SYNE1: variants seen among roughly 807,000 people sequenced by gnomAD.
The protein encoded by SYNE1 is spectrin repeat containing nuclear envelope protein 1, also known as nesprin-1.
SYNE1 carries 616 observed loss-of-function variants against 1,111.0 expected under a neutral mutation model. The observed-to-expected ratio is 0.55, with a 90% CI of 0.52 to 0.59. The LOEUF (loss-of-function observed/expected upper bound fraction) is 0.59, where lower values mean the gene tolerates loss of function less well. SYNE1 is among the 20% of genes least tolerant of loss of function. The pLI, the probability that SYNE1 is intolerant of heterozygous loss-of-function variation, is 0.00. For synonymous variants in SYNE1, 3,855 were observed against 3,825.8 expected, an observed-to-expected ratio of 1.01 and a Z score of -0.28; for missense variants, 10,006 against 10,417.0, an observed-to-expected ratio of 0.96 and a Z score of 1.72.
At chr6:152,376,660 A>C in intron 57 of SYNE1, 102 bp from the exon 58 acceptor site, 1 of 1,554,882 alleles carries the variant, frequency 6.4e-7, no homozygotes, top group Non-Finnish European at 8.8e-7. Context: ...CACTTACCTC[A>C]CTTAGTAATA....
Position 152,152,060 on chromosome 6 carries a change from G to C in SYNE1, c.24211C>G (p.Arg8071Gly). The change falls in exon 134 of 146, where the codon CGC (arginine) becomes GGC (glycine). Residue 8071 changes from arginine (R) to glycine (G), a missense_variant. Transcript: ENST00000367255. ...KQYRRLAREN[R>G]TDSACSLKQM... is the part of the protein sequence containing the mutation. ...TTGAGGCTACATGCTGAATCAGTGC[G>C]GTTCTCCCTGGCCAGGCGGCGGTAC... The C allele has an allele frequency of 6.2e-7, 1 of 1,614,168 alleles. No individual in the cohort carries two copies. The highest frequency in any genetic ancestry group is 8.5e-7 in the Non-Finnish European group (1 of 1,180,032).
At chr6:152,210,066 A>G (rs1168426051) in intron 124 of SYNE1, among the ~76,000 whole-genome samples, 1 of 152,204 alleles carries the variant, frequency 6.6e-6, no homozygotes, top group African/African-American at 2.4e-5. Context: ...TTAAAACATG[A>G]CACTGTTCCC....
rs17082236 is a variant in SYNE1, at chr6:152,149,617, C to T, written c.24502G>A (p.Ala8168Thr). 1 of 1,613,788 alleles carries T rather than the reference C, an allele frequency of 6.2e-7. No individual in the cohort carries two copies. The highest frequency in any genetic ancestry group is 8.5e-7 in the Non-Finnish European group (1 of 1,179,968). Residue 8168 changes from alanine (A) to threonine (T), a missense_variant, in exon 136 of 146, where the codon GCC becomes ACC. Physicochemically the swap from Ala to Thr is moderately conservative, Grantham distance 58 (BLOSUM62 0). This residue lies in a region of SYNE1 where 761 missense variants were observed against 795.5 expected (regional missense o/e 0.96). Transcript: ENST00000367255. ...LNHNKIEQII[A>T]QGEQLIEKSE... ...TTTTCTATCAGCTGTTCTCCTTGGG[C>T]AATTATCTGCTCAATCTTATTGTGG...
At chr6:152,577,658 C>A (rs976155747) in intron 3 of SYNE1, among the ~76,000 whole-genome samples, 3 of 151,996 alleles carry the variant, frequency 2.0e-5, no homozygotes, top group African/African-American at 7.3e-5. Context: ...AAAAAAAATT[C>A]TCTAACTATG....
In SYNE1 at chr6:152,132,551, C is replaced by G. The variant is rs570412663; in HGVS notation, c.26002-337G>C. ...GGAGGGGAAGACACCTGCTGTAGAG[C>G]CTGCTGGTCACTCAGGCTGAACAGA... On this transcript the variant is annotated intron_variant, in intron 143 of 145. Coordinates refer to ENST00000367255, the MANE Select transcript of SYNE1 (RefSeq NM_182961.4). 2.0e-5 allele frequency among the ~76,000 whole-genome samples: 3 copies of G among 152,270 alleles called. No homozygotes were observed. The East Asian group carries it at 5.8e-4, about 29-fold the overall frequency.
chr6:152,293,628 T>G lies in SYNE1; in HGVS notation c.17972A>C (p.Glu5991Ala). 1 of 1,614,146 alleles carries G rather than the reference T, an allele frequency of 6.2e-7. No individual in the cohort carries two copies. Among genetic ancestry groups the G allele is most frequent in the Non-Finnish European group, 8.5e-7 (1 of 1,180,040 alleles). Residue 5991 changes from glutamate (E) to alanine (A), a missense_variant, in exon 95 of 146, where the codon GAG becomes GCG. Physicochemically the swap from Glu to Ala is moderately radical, Grantham distance 107. This residue lies in a region of SYNE1 where 4,955 missense variants were observed against 5,017.2 expected (regional missense o/e 0.99). Transcript: ENST00000367255. ...CTGGCTTTCTGGACTCCTGCCAGGC[T>G]CTGGGCTCTCACTGAGTTTCAGCTC... ...AIELKLSESP[E>A]PGRSPESQMA... is the part of the protein sequence containing the mutation.
intron 77 of SYNE1, 72 bp from the exon 78 acceptor site, chr6:152,331,962 A>C: frequency 1.3e-6 from 2 of 1,589,368 alleles, no homozygotes; most frequent in Admixed American, 1.7e-5. Flanking sequence ...TACTATGCTA[A>C]ATTACACTTC....
At chr6:152,285,419 C>A (rs1381946774) in intron 95 of SYNE1, among the ~76,000 whole-genome samples, 3 of 152,200 alleles carry the variant, frequency 2.0e-5, no homozygotes, top group African/African-American at 7.2e-5. Flanking sequence ...ATTACAGCAA[C>A]CTTTTGAAAA....
chr6:152,495,879 A>G (rs2098996837), intron 11 of SYNE1, among the ~76,000 whole-genome samples: 1 of 152,216 alleles, frequency 6.6e-6, no homozygotes, highest in African/African-American at 2.4e-5. Context: ...GCAACCTTCT[A>G]TAGAAGTAAC....
intron 87 of SYNE1, chr6:152,316,631 T>C (rs2095730460): frequency 1.7e-6 from 1 of 576,842 alleles, no homozygotes; most frequent in Non-Finnish European, 3.0e-6. Flanking sequence ...AAGGTAGGTT[T>C]AGGGAAGATC....
At chr6:152,433,761 C>G in intron 34 of SYNE1, 34 bp downstream of exon 34, 3 of 1,612,968 alleles carry the variant, frequency 1.9e-6, no homozygotes, top group Non-Finnish European at 2.5e-6. Flanking sequence ...AAAAGCTAGA[C>G]ATGGATTATA....
At chr6:152,585,773 T>C (rs2099536254) in intron 3 of SYNE1, among the ~76,000 whole-genome samples, 1 of 152,232 alleles carries the variant, frequency 6.6e-6, no homozygotes, top group Non-Finnish European at 1.5e-5. Context: ...AAAATAGTTC[T>C]ATGGTTTCAT....
intron 14 of SYNE1, among the ~76,000 whole-genome samples, chr6:152,475,700 G>T (rs1274675881): frequency 1.3e-5 from 2 of 152,160 alleles, no homozygotes; most frequent in Non-Finnish European, 2.9e-5. Context: ...CAACATCACT[G>T]TGGGGTTTAT....
chr6:152,549,196 C>T (rs1248805959), intron 3 of SYNE1, among the ~76,000 whole-genome samples: 1 of 152,170 alleles, frequency 6.6e-6, no homozygotes, highest in Non-Finnish European at 1.5e-5. Flanking sequence ...CTCTCACATC[C>T]ATACATACTT....
chr6:152,631,270 G>A (rs1254888589), intron 2 of SYNE1, among the ~76,000 whole-genome samples: 1 of 152,090 alleles, frequency 6.6e-6, no homozygotes, highest in Non-Finnish European at 1.5e-5. Context: ...ACACATCCTG[G>A]GCAGGGTGAA....
At chr6:152,178,074 G>C (rs1359139692) in intron 129 of SYNE1, among the ~76,000 whole-genome samples, 2 of 151,816 alleles carry the variant, frequency 1.3e-5, no homozygotes, top group Non-Finnish European at 2.9e-5. Context: ...TAATATACGA[G>C]GTAGTATAGT....
At position 152,419,707 on chromosome 6, in the gene SYNE1, C is replaced by T. The variant is rs1204334130; in HGVS notation, c.5283G>A (p.Gln1761=). The change falls in exon 40 of 146, where the codon CAG becomes CAA. Residue 1761 remains glutamine (Q), a synonymous_variant. Coordinates refer to ENST00000367255, the MANE Select transcript of SYNE1 (RefSeq NM_182961.4). ...ATTGCTGGTGTTCAGCAACCACAGA[C>T]TGAAGAAAATTAATCCTATGTAGAC... ...QIINKRINFL[Q]SVVAEHQQFD... The T allele has an allele frequency of 1.2e-6, 2 of 1,613,998 alleles. No individual in the cohort carries two copies. The highest frequency in any genetic ancestry group is 8.5e-7 in the Non-Finnish European group (1 of 1,179,952).
intron 16 of SYNE1, among the ~76,000 whole-genome samples, chr6:152,466,318 AC>A (rs1255348187): frequency 6.6e-6 from 1 of 152,212 alleles, no homozygotes; most frequent in African/African-American, 2.4e-5. Flanking sequence ...CTATTTCTTC[AC>A]CAACCAAGGG....
intron 101 of SYNE1, among the ~76,000 whole-genome samples, chr6:152,258,356 A>T (rs187843857): frequency 6.6e-6 from 1 of 152,370 alleles, no homozygotes; most frequent in Non-Finnish European, 1.5e-5. Context: ...TTTACAGAAT[A>T]TGGGAATTGT....
Sources: gnomAD v4.1 joint callset for allele counts (sites outside exome capture counted in the v4.1 genomes callset) on GRCh38, gnomAD v4.1.1 for gene constraint, gnomAD v4.1.1 regional missense constraint, MANE v1.5 for transcripts, NCBI Gene and HGNC (gene_info 2026-07-23, HGNC 2026-07-21) for gene names.